Variants in TBCK observed in about 807,000 individuals in gnomAD.
TBCK encodes TBC domain-containing protein kinase-like protein.
In TBCK, 99 loss-of-function variants were observed where a neutral mutation model predicts 113.4. That is an observed-to-expected ratio of 0.87 (90% CI 0.74 to 1.03). The LOEUF (loss-of-function observed/expected upper bound fraction) is 1.03. Among genes scored for constraint, TBCK ranks in the 50% least tolerant of loss-of-function variants. The probability of loss-of-function intolerance (pLI) is 0.00; values close to 1 mark genes in which losing one functional copy is unlikely to be tolerated. For missense variants in TBCK, 1,045 were observed against 1,061.3 expected (o/e 0.98, Z 0.21); for synonymous variants, 369 against 370.8 (o/e 1.00, Z 0.05).
chr4:106,218,560 G>C (rs1757270529), intron 19 of TBCK, among the ~76,000 whole-genome samples: 1 of 71,492 alleles, frequency 1.4e-5, no homozygotes, highest in Non-Finnish European at 2.8e-5. Context: ...GTGGGCAAAG[G>C]ACATGAACAG....
At chr4:106,085,375 C>A (rs563008722) in intron 25 of TBCK, among the ~76,000 whole-genome samples, 2 of 152,274 alleles carry the variant, frequency 1.3e-5, no homozygotes, top group South Asian at 2.1e-4. Flanking sequence ...CAAAGAAGGG[C>A]ATTACACAAT....
At chr4:106,088,460 GA>G (rs749498201) in intron 25 of TBCK, among the ~76,000 whole-genome samples, 2 of 152,178 alleles carry the variant, frequency 1.3e-5, no homozygotes, top group African/African-American at 2.4e-5. Flanking sequence ...AGATGCTGCT[GA>G]AGGTGTGGAG....
intron 1 of TBCK, among the ~76,000 whole-genome samples, chr4:106,313,494 C>T (rs944574583): frequency 6.6e-6 from 1 of 152,136 alleles, no homozygotes; most frequent in Non-Finnish European, 1.5e-5. Context: ...TACAGCTATA[C>T]GAACATTAAA....
chr4:106,182,159 GCTCT>G (rs1220419455), intron 22 of TBCK, among the ~76,000 whole-genome samples: 8 of 152,018 alleles, frequency 5.3e-5, no homozygotes, highest in Admixed American at 3.3e-4. Flanking sequence ...TCATGATTTG[GCTCT>G]CTGTTTATGT....
At position 106,270,880 on chromosome 4, in the gene TBCK, C is replaced by T. The variant is rs912688166; in HGVS notation, c.267-8668G>A. 1.2e-4 allele frequency among the ~76,000 whole-genome samples: 19 copies of T among 152,248 alleles called. 3 individuals are homozygous for T. The highest frequency in any genetic ancestry group is 7.4e-5 in the Non-Finnish European group (5 of 68,012). On this transcript the variant is annotated intron_variant, in intron 3 of 25. Transcript: ENST00000394708. ...ATTGCTGAAAAAACCCTATTTACCA[C>T]GTCCCTTGTATTTGTCAGCAGTTGG...
In TBCK at chr4:106,137,542, T is replaced by C. The variant is rs922856935; in HGVS notation, c.2236-21164A>G. Among the ~76,000 whole-genome samples, 5 of 140,798 alleles carry C rather than the reference T, an allele frequency of 3.6e-5. 1 individual carries two copies. Among genetic ancestry groups the C allele is most frequent in the African/African-American group, 1.3e-4 (5 of 39,928 alleles). The allele number at this position is 140,798 out of a possible 152,430, so 92.4% of individuals were successfully genotyped here. A position where few individuals can be genotyped will look rare whatever the true frequency, so the allele number is the denominator to read the frequency against. On this transcript the variant is annotated intron_variant, in intron 23 of 25. Coordinates refer to ENST00000394708, the MANE Select transcript of TBCK (RefSeq NM_001163435.3). Reference sequence around the variant, plus strand: ...AATCTACAAATATCATTTTGATCCATATATTTAAAACAATAAATTGTTTCA... The same window carrying C: ...AATCTACAAATATCATTTTGATCCACATATTTAAAACAATAAATTGTTTCA...
rs1653996558 is a variant in TBCK, at chr4:106,197,243, G to T, written c.1861-2489C>A. Among the ~76,000 whole-genome samples, 3 of 151,800 alleles carry T rather than the reference G, an allele frequency of 2.0e-5. No homozygotes were observed. In the South Asian group the frequency reaches 6.2e-4, roughly 32 times the overall value. ...AGATCAAGGTGGCTATACTCTTCAG[G>T]AGAGTGTCCTGGAAGATTCTGCCAG... is the stretch of plus-strand genomic sequence containing the variant. On this transcript the variant is annotated intron_variant, in intron 20 of 25. Coordinates refer to ENST00000394708, the MANE Select transcript of TBCK (RefSeq NM_001163435.3).
At chr4:106,271,709 G>A (rs1019842850) in intron 3 of TBCK, among the ~76,000 whole-genome samples, 30 of 148,076 alleles carry the variant, frequency 2.0e-4, no homozygotes, top group African/African-American at 7.5e-4. Flanking sequence ...CTGAGATCGC[G>A]CCACTGCACT....
At chr4:106,095,908 T>C (rs1463435525) in intron 24 of TBCK, among the ~76,000 whole-genome samples, 1 of 152,134 alleles carries the variant, frequency 6.6e-6, no homozygotes, top group African/African-American at 2.4e-5. Context: ...AACACAGATA[T>C]GGGTAAACAA....
intron 23 of TBCK, among the ~76,000 whole-genome samples, chr4:106,117,941 G>C (rs1378968587): frequency 6.6e-6 from 1 of 151,516 alleles, no homozygotes; most frequent in African/African-American, 2.4e-5. Flanking sequence ...CCCGGGAGGC[G>C]GAGCTTGCAG....
chr4:106,289,767 CAAA>C (rs574557805), intron 3 of TBCK, among the ~76,000 whole-genome samples: 1 of 65,244 alleles, frequency 1.5e-5, no homozygotes. Context: ...GACTCTGTCT[CAAA>C]AAAAAAAAAG....
chr4:106,195,900 T>C (rs569213538), intron 20 of TBCK, among the ~76,000 whole-genome samples: 1 of 152,202 alleles, frequency 6.6e-6, no homozygotes, highest in East Asian at 1.9e-4. Context: ...TCTATGTTTA[T>C]ATATCTCCTA....
At chr4:106,120,274 GCAC>G (rs1395816548) in intron 23 of TBCK, among the ~76,000 whole-genome samples, 1 of 152,060 alleles carries the variant, frequency 6.6e-6, no homozygotes, top group Non-Finnish European at 1.5e-5. Context: ...AAAAAACGGC[GCAC>G]CACGAGATTA....
At chr4:106,226,332 T>C (rs1420977116) in intron 19 of TBCK, among the ~76,000 whole-genome samples, 2 of 152,152 alleles carry the variant, frequency 1.3e-5, no homozygotes, top group Admixed American at 6.5e-5. Context: ...CATCTAGAAA[T>C]AGAAATAGAA....
chr4:106,094,852 A>G (rs762915345), intron 25 of TBCK, among the ~76,000 whole-genome samples: 12 of 152,194 alleles, frequency 7.9e-5, no homozygotes, highest in South Asian at 2.1e-4. Flanking sequence ...AACGTTGCCT[A>G]TATCTAGATA....
At chr4:106,051,923 G>C (rs1734855457) in intron 25 of TBCK, among the ~76,000 whole-genome samples, 1 of 151,782 alleles carries the variant, frequency 6.6e-6, no homozygotes, top group African/African-American at 2.4e-5. Flanking sequence ...AGGATTAGTA[G>C]GAAAGAGGTG....
chr4:106,069,795 T>G (rs1218532377), intron 25 of TBCK, among the ~76,000 whole-genome samples: 1 of 152,226 alleles, frequency 6.6e-6, no homozygotes, highest in Non-Finnish European at 1.5e-5. Flanking sequence ...GTTCTTTCAT[T>G]TGTTTGTGTC....
intron 25 of TBCK, among the ~76,000 whole-genome samples, chr4:106,094,421 A>C (rs140295010): frequency 6.6e-6 from 1 of 152,090 alleles, no homozygotes; most frequent in East Asian, 1.9e-4. Flanking sequence ...TGGTCTCTCT[A>C]TATTTTCCAA....
chr4:106,089,312 C>G (rs1204721503), intron 25 of TBCK, among the ~76,000 whole-genome samples: 2 of 152,138 alleles, frequency 1.3e-5, no homozygotes, highest in South Asian at 4.1e-4. Flanking sequence ...GGGCACCAAA[C>G]CATTCATGAG....
Sources: allele counts gnomAD v4.1 joint callset (sites outside exome capture counted in the v4.1 genomes callset), GRCh38; gene constraint gnomAD v4.1.1; transcripts MANE v1.5; gene names NCBI Gene and HGNC (gene_info 2026-07-23, HGNC 2026-07-21).